Variants in PDZK1 observed in about 807,000 individuals in gnomAD.
PDZK1 encodes the protein PDZ domain containing 1.
In PDZK1, 23 loss-of-function variants were observed where a neutral mutation model predicts 38.1. The ratio of observed to expected loss-of-function variants is 0.60; its 90% CI spans 0.43 to 0.85. The LOEUF is 0.85. Ranked by LOEUF, PDZK1 falls within the 40% of genes least tolerant of loss-of-function variation. PDZK1 has a pLI of 0.00. For synonymous variants in PDZK1, 98 were observed against 186.2 expected (o/e 0.53, Z 3.86); for missense variants, 297 against 504.3 (o/e 0.59, Z 3.94).
intron 3 of PDZK1, among the ~76,000 whole-genome samples, 163 bp downstream of exon 3, chr1:145,686,314 G>A (rs1314619089): frequency 6.6e-6 from 1 of 152,184 alleles, no homozygotes; most frequent in Non-Finnish European, 1.5e-5. Flanking sequence ...GGAAAGGGCA[G>A]GGAGGGAGTG....
At chr1:145,705,203 GC>G (rs1656180247) in intron 1 of PDZK1, among the ~76,000 whole-genome samples, 1 of 152,062 alleles carries the variant, frequency 6.6e-6, no homozygotes, top group South Asian at 2.1e-4. Context: ...CAATTCTCCT[GC>G]CTCAGCCTCC....
Position 145,687,801 on chromosome 1 carries a change from G to C in PDZK1, c.210+11C>G, listed in dbSNP as rs1553702172. 6.3e-7 allele frequency: 1 copy of C among 1,597,798 alleles called. No individual in the cohort carries two copies. The highest frequency in any genetic ancestry group is 1.7e-5 in the Admixed American group (1 of 59,986). Reference sequence around the variant, plus strand: ...AGATCCTGGAAGAAAAGCCCCAAATGTCTCATTCACCTGCATATGTTCTTC... The same window carrying C: ...AGATCCTGGAAGAAAAGCCCCAAATCTCTCATTCACCTGCATATGTTCTTC... On this transcript the variant is annotated intron_variant, in intron 2 of 8. Transcript: ENST00000417171.
intron 1 of PDZK1, among the ~76,000 whole-genome samples, chr1:145,694,153 G>A (rs1234968441): frequency 5.9e-5 from 9 of 152,124 alleles, no homozygotes; most frequent in Admixed American, 1.3e-4. Context: ...TCTTAATTAA[G>A]TCTAGGGGAT....
In PDZK1 at chr1:145,672,960, C is replaced by T; in HGVS notation, c.1276G>A (p.Val426Met). The T allele has an allele frequency of 1.3e-6, 2 of 1,578,566 alleles. No homozygotes were observed. Among genetic ancestry groups the T allele is most frequent in the East Asian group, 2.2e-5 (1 of 44,634 alleles). ...TCATCTAGCACATTCACCCCATTCA[C>T]TTCAATGATGACATCCTCATCCTCT... is the stretch of plus-strand genomic sequence containing the variant. ...GLEDEDVIIE[V>M]NGVNVLDEPY... Residue 426 changes from valine (V) to methionine (M), a missense_variant, in exon 8 of 9, where the codon GTG becomes ATG. Transcript: ENST00000417171.
chr1:145,700,895 A>G (rs1470672730), intron 1 of PDZK1, among the ~76,000 whole-genome samples: 2 of 152,174 alleles, frequency 1.3e-5, no homozygotes, highest in Non-Finnish European at 2.9e-5. Flanking sequence ...CAATCCATGA[A>G]AACACTAAAC....
At chr1:145,676,926 T>C (rs1653738416) in intron 6 of PDZK1, among the ~76,000 whole-genome samples, 1 of 151,830 alleles carries the variant, frequency 6.6e-6, no homozygotes, top group African/African-American at 2.4e-5. Flanking sequence ...AAATAGAACA[T>C]TTAGATGTGT....
chr1:145,672,618 A>C, intron 8 of PDZK1, 112 bp downstream of exon 8: 1 of 1,394,374 alleles, frequency 7.2e-7, no homozygotes, highest in Non-Finnish European at 9.8e-7. Context: ...TTACATTTTC[A>C]TTTTCTAGTT....
intron 3 of PDZK1, among the ~76,000 whole-genome samples, chr1:145,683,135 CTT>C (rs1429885613): frequency 2.0e-5 from 3 of 152,212 alleles, no homozygotes; most frequent in Non-Finnish European, 2.9e-5. Context: ...ATGGTAAAGA[CTT>C]TTCTCCCAAT....
At chr1:145,688,144 A>G in intron 1 of PDZK1, 121 bp from the exon 2 acceptor site, 1 of 850,946 alleles carries the variant, frequency 1.2e-6, no homozygotes, top group Non-Finnish European at 1.9e-6. Flanking sequence ...CTGCTTGGGT[A>G]GTAATGCTGG....
At chr1:145,687,118 C>T (rs946412441) in intron 2 of PDZK1, among the ~76,000 whole-genome samples, 3 of 152,096 alleles carry the variant, frequency 2.0e-5, no homozygotes, top group Non-Finnish European at 4.4e-5. Flanking sequence ...CATATATCCT[C>T]AGCAGGAACA....
chr1:145,706,579 C>T (rs1367814888), intron 1 of PDZK1, among the ~76,000 whole-genome samples: 2 of 152,130 alleles, frequency 1.3e-5, no homozygotes, highest in Admixed American at 6.5e-5. Flanking sequence ...GTCTTCATAG[C>T]GAGTGAACCC....
At chr1:145,676,449 G>A (rs1351861151) in intron 6 of PDZK1, among the ~76,000 whole-genome samples, 1 of 151,860 alleles carries the variant, frequency 6.6e-6, no homozygotes, top group East Asian at 1.9e-4. Flanking sequence ...TAAAAAAAAT[G>A]TGTGGCCCGG....
At chr1:145,692,294 A>G (rs1340677190) in intron 1 of PDZK1, among the ~76,000 whole-genome samples, 3 of 152,198 alleles carry the variant, frequency 2.0e-5, no homozygotes, top group African/African-American at 7.2e-5. Flanking sequence ...AACAGGATTG[A>G]TATATGAGAT....
intron 5 of PDZK1, among the ~76,000 whole-genome samples, 190 bp downstream of exon 5, chr1:145,680,719 TATC>T (rs1319344421): frequency 6.8e-6 from 1 of 147,936 alleles, no homozygotes; most frequent in Non-Finnish European, 1.5e-5. Flanking sequence ...AATTCTGCCT[TATC>T]ATAATGCTAT....
intron 3 of PDZK1, among the ~76,000 whole-genome samples, chr1:145,683,316 T>C (rs1473540763): frequency 6.6e-6 from 1 of 152,258 alleles, no homozygotes; most frequent in Non-Finnish European, 1.5e-5. Context: ...GAATCTTGGG[T>C]GGCCTTGGCC....
At chr1:145,680,520 GC>G (rs773700546) in intron 5 of PDZK1, among the ~76,000 whole-genome samples, 113 of 152,058 alleles carry the variant, frequency 7.4e-4, no homozygotes, top group Non-Finnish European at 1.3e-3. Context: ...GCTCACAAAA[GC>G]CAATTCTGTG....
At chr1:145,697,731 G>C (rs995526389) in intron 1 of PDZK1, among the ~76,000 whole-genome samples, 4 of 149,006 alleles carry the variant, frequency 2.7e-5, no homozygotes, top group Non-Finnish European at 4.4e-5. Context: ...TGAGTAGTTG[G>C]GATTTCAGGC....
intron 1 of PDZK1, among the ~76,000 whole-genome samples, chr1:145,689,123 AC>A (rs1233248126): frequency 6.6e-6 from 1 of 152,108 alleles, no homozygotes; most frequent in African/African-American, 2.4e-5. Flanking sequence ...ACGCTTTGTC[AC>A]CCAGGCTGCA....
intron 2 of PDZK1, among the ~76,000 whole-genome samples, chr1:145,687,363 CA>C (rs879982021): frequency 0.042 from 4,341 of 103,516 alleles, 80 homozygotes; most frequent in Non-Finnish European, 0.063. Flanking sequence ...ACTAAAAATA[CA>C]AAAAAAAAAA....
Sources: allele counts gnomAD v4.1 joint callset (sites outside exome capture counted in the v4.1 genomes callset), GRCh38; gene constraint gnomAD v4.1.1; transcripts MANE v1.5; gene names NCBI Gene and HGNC (gene_info 2026-07-23, HGNC 2026-07-21).